The following EYA1 variants were observed in gnomAD, a reference collection of about 807,000 sequenced individuals.
EYA1 encodes EYA transcriptional coactivator and phosphatase 1.
EYA1 carries 16 observed loss-of-function variants against 82.0 expected under a neutral mutation model. That is an observed-to-expected ratio of 0.20 (90% CI 0.13 to 0.30). EYA1 has a LOEUF of 0.30. Among genes scored for constraint, EYA1 ranks in the 10% least tolerant of loss-of-function variants. The pLI is 1.00. For missense variants in EYA1, 633 were observed against 730.7 expected (o/e 0.87, Z 1.54); for synonymous variants, 261 against 264.4 (o/e 0.99, Z 0.12).
chr8:71,257,117 CTTCTA>C (rs1215640345), intron 11 of EYA1, among the ~76,000 whole-genome samples: 7 of 151,856 alleles, frequency 4.6e-5, no homozygotes, highest in African/African-American at 1.2e-4. Context: ...CTATTTATTA[CTTCTA>C]TTCTATTCTT....
chr8:71,510,455 CTTAA>C (rs1812512863), intron 2 of EYA1, among the ~76,000 whole-genome samples: 1 of 152,164 alleles, frequency 6.6e-6, no homozygotes, highest in Non-Finnish European at 1.5e-5. Context: ...AGAAAAGAGG[CTTAA>C]TTGACTCACA....
At chr8:71,536,018 A>C (rs918194342) in intron 1 of EYA1, among the ~76,000 whole-genome samples, 4 of 152,206 alleles carry the variant, frequency 2.6e-5, no homozygotes, top group African/African-American at 9.6e-5. Flanking sequence ...TGTTTATCAC[A>C]ATTTACATGA....
At chr8:71,339,174 T>A (rs1586445321) in intron 3 of EYA1, among the ~76,000 whole-genome samples, 1 of 152,078 alleles carries the variant, frequency 6.6e-6, no homozygotes, top group Non-Finnish European at 1.5e-5. Flanking sequence ...TCTTTCCAAA[T>A]CCCTATCTAT....
At chr8:71,343,964 A>G (rs1427950423) in intron 3 of EYA1, among the ~76,000 whole-genome samples, 1 of 152,188 alleles carries the variant, frequency 6.6e-6, no homozygotes, top group African/African-American at 2.4e-5. Flanking sequence ...TAAACCTATC[A>G]TCTGGACTCT....
chr8:71,543,234 T>TA, intron 1 of EYA1, among the ~76,000 whole-genome samples: 1 of 152,176 alleles, frequency 6.6e-6, no homozygotes, highest in Non-Finnish European at 1.5e-5. Flanking sequence ...CCTAATATGT[T>TA]AAAAATATAC....
chr8:71,441,817 G>T (rs990232192), intron 2 of EYA1, among the ~76,000 whole-genome samples: 2 of 152,120 alleles, frequency 1.3e-5, no homozygotes, highest in African/African-American at 4.8e-5. Flanking sequence ...TGGGGTCTTT[G>T]GGAGATAATT....
chr8:71,231,546 C>T (rs1375226015), intron 12 of EYA1, among the ~76,000 whole-genome samples: 1 of 152,184 alleles, frequency 6.6e-6, no homozygotes, highest in Non-Finnish European at 1.5e-5. Context: ...ATCTCTCAGA[C>T]TCTAGCTAAT....
chr8:71,233,360 C>G lies in EYA1; in HGVS notation c.1140+11243G>C, dbSNP rs187717401. Among the ~76,000 whole-genome samples, 295 of 152,004 alleles carry G rather than the reference C, an allele frequency of 1.9e-3. 1 individual carries two copies. The highest frequency in any genetic ancestry group is 8.1e-3 in the South Asian group (39 of 4,820). ...CGGGCAGATCACGAGGTCAGGAGAT[C>G]GAGACCATCCTGGCTAACACAGTGA... is the stretch of plus-strand genomic sequence containing the variant. On this transcript the variant is annotated intron_variant, in intron 12 of 17. Transcript: ENST00000340726.
intron 12 of EYA1, among the ~76,000 whole-genome samples, chr8:71,231,936 C>T (rs924421383): frequency 2.6e-5 from 4 of 152,208 alleles, no homozygotes; most frequent in African/African-American, 9.7e-5. Context: ...AAGCCCCATC[C>T]AGTTATTAGG....
intron 2 of EYA1, among the ~76,000 whole-genome samples, chr8:71,444,096 T>G (rs1275087645): frequency 3.3e-5 from 5 of 152,250 alleles, no homozygotes; most frequent in Non-Finnish European, 7.3e-5. Flanking sequence ...AGAAGAAGTA[T>G]AAATCATATT....
chr8:71,546,511 A>ATTTT (rs35757925), intron 1 of EYA1, among the ~76,000 whole-genome samples: 3 of 138,534 alleles, frequency 2.2e-5, no homozygotes, highest in African/African-American at 8.0e-5. Context: ...ACTGATTCTT[A>ATTTT]TTTTTTTTTT....
At chr8:71,414,056 A>C (rs1190541581) in intron 2 of EYA1, among the ~76,000 whole-genome samples, 1 of 152,184 alleles carries the variant, frequency 6.6e-6, no homozygotes, top group Admixed American at 6.5e-5. Context: ...GGTTAATGGC[A>C]AGGCAACCTC....
intron 1 of EYA1, among the ~76,000 whole-genome samples, chr8:71,541,901 A>G (rs1815167917): frequency 6.6e-6 from 1 of 152,180 alleles, no homozygotes; most frequent in South Asian, 2.1e-4. Flanking sequence ...TTCTCAGCCT[A>G]CTAAGTCTAC....
chr8:71,495,405 G>C (rs1327806532), intron 2 of EYA1, among the ~76,000 whole-genome samples: 2 of 152,226 alleles, frequency 1.3e-5, no homozygotes, highest in East Asian at 3.9e-4. Context: ...CTTGAGGTCA[G>C]GAGTTCGAGA....
chr8:71,348,860 T>C (rs887704243), intron 3 of EYA1, among the ~76,000 whole-genome samples: 1 of 152,206 alleles, frequency 6.6e-6, no homozygotes, highest in African/African-American at 2.4e-5. Flanking sequence ...TGGTATAATT[T>C]AGTTCTTAAA....
At chr8:71,244,460 A>G in intron 12 of EYA1, 143 bp downstream of exon 12, 1 of 573,624 alleles carries the variant, frequency 1.7e-6, no homozygotes. Context: ...AATCCCATAA[A>G]GGCAAAACAC....
chr8:71,247,928 T>G (rs567618440), intron 11 of EYA1, among the ~76,000 whole-genome samples: 13 of 152,334 alleles, frequency 8.5e-5, no homozygotes, highest in Non-Finnish European at 1.5e-4. Context: ...AATTGCCAAT[T>G]TTAAAATTTA....
intron 13 of EYA1, 29 bp downstream of exon 13, chr8:71,216,936 A>G: frequency 6.2e-7 from 1 of 1,612,130 alleles, no homozygotes; most frequent in Non-Finnish European, 8.5e-7. Flanking sequence ...TAAAAGGGAG[A>G]TGGTCACTTC....
chr8:71,331,770 G>T (rs1010968622), intron 4 of EYA1, among the ~76,000 whole-genome samples: 10 of 152,146 alleles, frequency 6.6e-5, no homozygotes, highest in Admixed American at 6.5e-4. Context: ...GCTGTGTACA[G>T]ATCCACATTA....
Sources: allele counts gnomAD v4.1 joint callset (sites outside exome capture counted in the v4.1 genomes callset), GRCh38; gene constraint gnomAD v4.1.1; transcripts MANE v1.5; gene names NCBI Gene and HGNC (gene_info 2026-07-23, HGNC 2026-07-21).